Variants in SOX5 observed in about 807,000 individuals in gnomAD.
SOX5 encodes the protein SRY-box transcription factor 5, also known as transcription factor SOX-5.
A neutral mutation model predicts 92.0 loss-of-function variants in SOX5; 9 were observed. The ratio of observed to expected loss-of-function variants is 0.10; its 90% CI spans 0.06 to 0.17. The LOEUF is 0.17. Among genes scored for constraint, SOX5 ranks in the 10% least tolerant of loss-of-function variants. The pLI is 1.00. For synonymous variants in SOX5, 344 were observed against 336.3 expected (o/e 1.02, Z -0.25); for missense variants, 642 against 944.5 (o/e 0.68, Z 4.20).
At chr12:23,916,183 A>G (rs972502219) in intron 1 of SOX5, among the ~76,000 whole-genome samples, 17 of 152,154 alleles carry the variant, frequency 1.1e-4, no homozygotes, top group African/African-American at 4.1e-4. Flanking sequence ...CTTACACACT[A>G]TCATCAATAA....
At chr12:24,525,907 T>A (rs1002694074) in intron 1 of SOX5, among the ~76,000 whole-genome samples, 3 of 150,634 alleles carry the variant, frequency 2.0e-5, no homozygotes, top group African/African-American at 7.3e-5. Flanking sequence ...GCCAGGTGAA[T>A]GTTGCACAGC....
chr12:24,409,348 G>A (rs1466626512), intron 1 of SOX5, among the ~76,000 whole-genome samples: 2 of 152,126 alleles, frequency 1.3e-5, no homozygotes, highest in Non-Finnish European at 2.9e-5. Flanking sequence ...GGTGGGGAGT[G>A]AGGGGAGGGA....
chr12:24,399,756 C>T (rs1961060312), intron 1 of SOX5, among the ~76,000 whole-genome samples: 1 of 152,154 alleles, frequency 6.6e-6, no homozygotes, highest in Non-Finnish European at 1.5e-5. Flanking sequence ...AATGCGGAAA[C>T]AATTCCAAAA....
At chr12:24,111,485 C>T (rs1467179991) in intron 4 of SOX5, among the ~76,000 whole-genome samples, 3 of 152,114 alleles carry the variant, frequency 2.0e-5, no homozygotes, top group African/African-American at 7.2e-5. Context: ...TTGGTTATTT[C>T]AATACCTAAC....
At chr12:23,697,216 A>T (rs528907981) in intron 6 of SOX5, among the ~76,000 whole-genome samples, 3 of 152,244 alleles carry the variant, frequency 2.0e-5, no homozygotes, top group African/African-American at 4.8e-5. Flanking sequence ...AATTTTATTA[A>T]TTTTTATTTT....
rs890143613 is a variant in SOX5, at chr12:24,198,206, G to A, written c.-2+15137C>T. Among the ~76,000 whole-genome samples the A allele has an allele frequency of 5.3e-5, 8 of 151,744 alleles. No individual in the cohort carries two copies. In the East Asian group the frequency reaches 1.2e-3, roughly 22 times the overall value. ...GGAACACAGACCTATTACCACAATC[G>A]CTATCCAAAATGAGAACAGAAACAA... On this transcript the variant is annotated intron_variant, in intron 4 of 4. Coordinates refer to the SOX5 transcript ENST00000446891.
intron 1 of SOX5, among the ~76,000 whole-genome samples, chr12:24,527,461 A>T (rs1566395510): frequency 6.6e-6 from 1 of 152,250 alleles, no homozygotes; most frequent in East Asian, 1.9e-4. Flanking sequence ...TTTATCTACA[A>T]TGACACTCAA....
At chr12:23,834,463 T>C (rs1028313167) in intron 3 of SOX5, among the ~76,000 whole-genome samples, 1 of 151,898 alleles carries the variant, frequency 6.6e-6, no homozygotes, top group Non-Finnish European at 1.5e-5. Flanking sequence ...ATTTTTAAGA[T>C]AAGAACTTAT....
intron 2 of SOX5, among the ~76,000 whole-genome samples, chr12:24,343,463 TTA>T (rs565756073): frequency 6.7e-6 from 1 of 150,330 alleles, no homozygotes; most frequent in African/African-American, 2.4e-5. Context: ...TAGGTATATA[TTA>T]TATATATATG....
At position 23,643,940 on chromosome 12, in the gene SOX5, C is replaced by A. The variant is rs572497744; in HGVS notation, c.932-3043G>T. ...TTCTTGGAAATGCACATTTTTAGAACCCACCCTAAAGCTACTGTGCAGACA... is the reference window on the plus strand; with the variant it reads ...TTCTTGGAAATGCACATTTTTAGAAACCACCCTAAAGCTACTGTGCAGACA... On this transcript the variant is annotated intron_variant, in intron 7 of 14. Transcript: ENST00000451604. Among the ~76,000 whole-genome samples, 23 of 152,188 alleles carry A rather than the reference C, an allele frequency of 1.5e-4. No individual in the cohort carries two copies. The East Asian group carries it at 4.5e-3, about 30-fold the overall frequency.
At chr12:23,871,734 C>A (rs989780621) in intron 2 of SOX5, among the ~76,000 whole-genome samples, 5 of 151,816 alleles carry the variant, frequency 3.3e-5, no homozygotes, top group African/African-American at 9.7e-5. Flanking sequence ...ATATTATGTA[C>A]CAATCAAAAC....
At chr12:23,830,874 T>G (rs1247403326) in intron 3 of SOX5, among the ~76,000 whole-genome samples, 1 of 152,140 alleles carries the variant, frequency 6.6e-6, no homozygotes, top group Non-Finnish European at 1.5e-5. Flanking sequence ...ACATTTAAAT[T>G]ATAAGAACAA....
At chr12:24,391,963 C>G (rs1388200813) in intron 1 of SOX5, among the ~76,000 whole-genome samples, 1 of 152,058 alleles carries the variant, frequency 6.6e-6, no homozygotes, top group Non-Finnish European at 1.5e-5. Flanking sequence ...AGCCACCCCA[C>G]CCTCTCTTCT....
intron 8 of SOX5, among the ~76,000 whole-genome samples, chr12:23,609,432 T>C (rs1206364369): frequency 2.0e-5 from 3 of 152,142 alleles, no homozygotes; most frequent in South Asian, 2.1e-4. Flanking sequence ...TCATAGGAAC[T>C]TGAATTGCAG....
chr12:23,763,653 C>CT (rs141399576), intron 3 of SOX5, among the ~76,000 whole-genome samples: 12,440 of 148,886 alleles, frequency 0.084, 715 homozygotes, highest in Non-Finnish European at 0.13. Context: ...TAATCTTTGC[C>CT]TTTTTTTTTT....
At chr12:24,056,133 A>C (rs1054793675) in intron 4 of SOX5, among the ~76,000 whole-genome samples, 7 of 152,114 alleles carry the variant, frequency 4.6e-5, no homozygotes, top group African/African-American at 1.7e-4. Flanking sequence ...CACCAAAACT[A>C]TTTGTCATTA....
chr12:23,727,376 A>G (rs2093188727), intron 6 of SOX5, among the ~76,000 whole-genome samples: 1 of 152,176 alleles, frequency 6.6e-6, no homozygotes, highest in African/African-American at 2.4e-5. Flanking sequence ...AGGGCTAGAA[A>G]GCACATATCC....
chr12:23,573,262 T>C (rs1161081161), intron 10 of SOX5, among the ~76,000 whole-genome samples: 1 of 152,128 alleles, frequency 6.6e-6, no homozygotes, highest in African/African-American at 2.4e-5. Flanking sequence ...AACACCAAAC[T>C]TAGAAAAAGA....
intron 1 of SOX5, among the ~76,000 whole-genome samples, chr12:23,942,576 C>T (rs1290689884): frequency 6.6e-6 from 1 of 151,674 alleles, no homozygotes; most frequent in East Asian, 1.9e-4. Context: ...GAGGACACAT[C>T]CTTTATAAAA....
Sources: gnomAD v4.1 joint callset for allele counts (sites outside exome capture counted in the v4.1 genomes callset) on GRCh38, gnomAD v4.1.1 for gene constraint, MANE v1.5 for transcripts, NCBI Gene and HGNC (gene_info 2026-07-23, HGNC 2026-07-21) for gene names.